MAGI1: variants seen among roughly 807,000 people sequenced by gnomAD.
The protein encoded by MAGI1 is membrane associated guanylate kinase, WW and PDZ domain containing 1, also known as membrane-associated guanylate kinase, WW and PDZ domain-containing protein 1.
A neutral mutation model predicts 139.9 loss-of-function variants in MAGI1; 58 were observed. The observed-to-expected ratio is 0.41, with a 90% CI of 0.34 to 0.52. The LOEUF (loss-of-function observed/expected upper bound fraction) is 0.52. Ranked by LOEUF, MAGI1 falls within the 20% of genes least tolerant of loss-of-function variation. The probability of loss-of-function intolerance (pLI) is 0.12; values close to 1 mark genes in which losing one functional copy is unlikely to be tolerated. For missense variants in MAGI1, 1,874 were observed against 1,901.6 expected, an observed-to-expected ratio of 0.99 and a Z score of 0.27; for synonymous variants, 812 against 737.9, an observed-to-expected ratio of 1.10 and a Z score of -1.63.
At chr3:65,600,762 A>C (rs2082446449) in intron 2 of MAGI1, among the ~76,000 whole-genome samples, 1 of 152,238 alleles carries the variant, frequency 6.6e-6, no homozygotes, top group African/African-American at 2.4e-5. Context: ...AAAAAGGCCA[A>C]GAGTTTCTCT....
intron 18 of MAGI1, 59 bp from the exon 19 acceptor site, chr3:65,365,005 A>T: frequency 2.9e-6 from 4 of 1,400,118 alleles, no homozygotes; most frequent in Non-Finnish European, 4.1e-6. Context: ...TCCTCCAGCC[A>T]GGAGGTGTGC....
chr3:65,537,914 T>A (rs1044086847), intron 2 of MAGI1, among the ~76,000 whole-genome samples: 1 of 152,046 alleles, frequency 6.6e-6, no homozygotes, highest in Non-Finnish European at 1.5e-5. Context: ...GGATAGGAGT[T>A]CAAGACCAGC....
chr3:66,016,742 C>G (rs2067662207), intron 1 of MAGI1, among the ~76,000 whole-genome samples: 1 of 152,174 alleles, frequency 6.6e-6, no homozygotes, highest in Admixed American at 6.5e-5. Context: ...AAGGTGGAAA[C>G]AACCCAATCT....
intron 2 of MAGI1, among the ~76,000 whole-genome samples, chr3:65,614,260 C>T (rs1011026283): frequency 1.3e-5 from 2 of 152,102 alleles, no homozygotes; most frequent in Non-Finnish European, 2.9e-5. Context: ...CTGGAAGGGC[C>T]TTTCCAGTGG....
chr3:65,551,547 G>A (rs943280689), intron 2 of MAGI1, among the ~76,000 whole-genome samples: 8 of 152,074 alleles, frequency 5.3e-5, no homozygotes, highest in Admixed American at 3.9e-4. Context: ...TGATCCGCCC[G>A]CCTCGGCCTC....
At chr3:65,919,748 C>T (rs1001593959) in intron 1 of MAGI1, among the ~76,000 whole-genome samples, 7 of 151,690 alleles carry the variant, frequency 4.6e-5, no homozygotes, top group Non-Finnish European at 7.4e-5. Context: ...TTCCCCCATT[C>T]GAGGCTTTGT....
chr3:65,751,242 T>C (rs573863370), intron 1 of MAGI1, among the ~76,000 whole-genome samples: 205 of 152,332 alleles, frequency 1.3e-3, no homozygotes, highest in Middle Eastern at 3.4e-3. Flanking sequence ...CTGAAATAAA[T>C]GTAAAGATCC....
chr3:66,006,401 A>G (rs1026257722), intron 1 of MAGI1, among the ~76,000 whole-genome samples: 5 of 152,168 alleles, frequency 3.3e-5, no homozygotes, highest in African/African-American at 1.2e-4. Flanking sequence ...AAGTCAAACA[A>G]GTAACTTTTC....
intron 1 of MAGI1, among the ~76,000 whole-genome samples, chr3:65,868,399 A>G (rs2059802750): frequency 6.6e-6 from 1 of 152,174 alleles, no homozygotes; most frequent in Non-Finnish European, 1.5e-5. Flanking sequence ...GTGACACAAC[A>G]CACCAAATGT....
At chr3:65,690,916 C>T (rs1306472595) in intron 1 of MAGI1, among the ~76,000 whole-genome samples, 1 of 151,928 alleles carries the variant, frequency 6.6e-6, no homozygotes, top group Non-Finnish European at 1.5e-5. Flanking sequence ...ACCAATATGC[C>T]CCACTTACCA....
intron 1 of MAGI1, among the ~76,000 whole-genome samples, chr3:65,637,640 G>A (rs1041491006): frequency 2.6e-5 from 4 of 151,928 alleles, no homozygotes; most frequent in African/African-American, 9.7e-5. Flanking sequence ...GGCTTATATT[G>A]GTGATGATTC....
chr3:65,613,220 C>CTACAGAA (rs1464756038), intron 2 of MAGI1, among the ~76,000 whole-genome samples: 2 of 152,232 alleles, frequency 1.3e-5, no homozygotes, highest in East Asian at 3.9e-4. Context: ...TGCACTCATA[C>CTACAGAA]TACAGAATAC....
intron 1 of MAGI1, among the ~76,000 whole-genome samples, chr3:66,007,058 C>A (rs1438785614): frequency 1.3e-5 from 2 of 151,968 alleles, no homozygotes; most frequent in Non-Finnish European, 2.9e-5. Flanking sequence ...CTAGGCTGGT[C>A]TCAAACTCCT....
chr3:65,369,437 A>ACAAAGGGCAGAGTAGACT (rs1044488571), intron 18 of MAGI1, among the ~76,000 whole-genome samples: 1 of 152,168 alleles, frequency 6.6e-6, no homozygotes, highest in Non-Finnish European at 1.5e-5. Context: ...AGACTCACGC[A>ACAAAGGGCAGAGTAGACT]CTGCACAAAG....
chr3:65,630,445 G>C (rs988814176), intron 1 of MAGI1, among the ~76,000 whole-genome samples: 2 of 152,164 alleles, frequency 1.3e-5, no homozygotes, highest in African/African-American at 2.4e-5. Context: ...ATGAAGCTCA[G>C]ACAGAGGGTG....
chr3:65,361,254 A>G lies in MAGI1; in HGVS notation c.3579T>C (p.Gly1193=), dbSNP rs760949455. Residue 1193 remains glycine, a synonymous_variant, in exon 22 of 23, where the codon GGT becomes GGC. Transcript: ENST00000402939. Reference sequence around the variant, plus strand: ...TCAGAAACAGACGAACTCTGCGGCCACCATTCTTAATCAGTTCTATAGCTC... The same window carrying G: ...TCAGAAACAGACGAACTCTGCGGCCGCCATTCTTAATCAGTTCTATAGCTC... ...HSRAIELIKN[G]GRRVRLFLKR... is the part of the protein sequence containing the mutation. The G allele has an allele frequency of 5.6e-6, 9 of 1,614,056 alleles. No homozygotes were observed. The Admixed American group carries it at 6.7e-5, about 12-fold the overall frequency.
At chr3:65,422,225 T>C (rs1045817189) in intron 12 of MAGI1, among the ~76,000 whole-genome samples, 21 of 152,184 alleles carry the variant, frequency 1.4e-4, no homozygotes, top group Admixed American at 1.2e-3. Context: ...GAAATTTAAA[T>C]CTTACATAAT....
chr3:65,463,419 T>A (rs1949948870), intron 5 of MAGI1, among the ~76,000 whole-genome samples: 1 of 152,230 alleles, frequency 6.6e-6, no homozygotes, highest in South Asian at 2.1e-4. Context: ...GATTTGCATA[T>A]GTTGAACCAG....
intron 1 of MAGI1, among the ~76,000 whole-genome samples, chr3:65,736,661 TC>T (rs2034764582): frequency 6.6e-6 from 1 of 152,146 alleles, no homozygotes; most frequent in Admixed American, 6.5e-5. Flanking sequence ...AAGATGGGTG[TC>T]CCAGCTCAAG....
Sources: allele counts gnomAD v4.1 joint callset (sites outside exome capture counted in the v4.1 genomes callset), GRCh38; gene constraint gnomAD v4.1.1; transcripts MANE v1.5; gene names NCBI Gene and HGNC (gene_info 2026-07-23, HGNC 2026-07-21).